The following ARHGAP24 variants were observed in gnomAD, a reference collection of about 807,000 sequenced individuals.
The protein encoded by ARHGAP24 is Rho GTPase activating protein 24, also known as rho GTPase-activating protein 24.
Under a neutral mutation model 76.4 loss-of-function variants are expected in ARHGAP24, and 50 were observed. The observed-to-expected ratio is 0.65, with a 90% CI of 0.52 to 0.83. The LOEUF is 0.83. ARHGAP24 is among the 40% of genes least tolerant of loss of function. The pLI, the probability that ARHGAP24 is intolerant of heterozygous loss-of-function variation, is 0.00. For missense variants in ARHGAP24, 930 were observed against 914.2 expected, an observed-to-expected ratio of 1.02 and a Z score of -0.22; for synonymous variants, 345 against 323.3, an observed-to-expected ratio of 1.07 and a Z score of -0.72.
In ARHGAP24 at chr4:85,997,322, TA is replaced by T. The variant is rs1183246230; in HGVS notation, c.2003+1666del. ...GGTAGGTAGATGATAGATAGATAGA[TA>T]GATGATAGATAGATAGATAGAGAGA... On this transcript the variant is annotated intron_variant, in intron 9 of 9. Transcript: ENST00000395184. 4.2e-4 allele frequency among the ~76,000 whole-genome samples: 60 copies of T among 143,184 alleles called. 1 individual carries two copies. The highest frequency in any genetic ancestry group is 7.3e-3 in the Middle Eastern group (2 of 274). 93.9% of individuals were successfully genotyped at this position (143,184 alleles called of 152,430 possible).
intron 5 of ARHGAP24, among the ~76,000 whole-genome samples, chr4:85,971,740 C>T (rs1048718265): frequency 6.6e-6 from 1 of 151,972 alleles, no homozygotes; most frequent in African/African-American, 2.4e-5. Context: ...ATTTTGTATT[C>T]GTTAACTATC....
intron 1 of ARHGAP24, among the ~76,000 whole-genome samples, chr4:85,565,344 A>G (rs1726797037): frequency 6.6e-6 from 1 of 152,122 alleles, no homozygotes; most frequent in Non-Finnish European, 1.5e-5. Flanking sequence ...ATTTCTTCTC[A>G]AAGTCCCACA....
intron 3 of ARHGAP24, among the ~76,000 whole-genome samples, chr4:85,774,643 T>G (rs1345252888): frequency 6.6e-6 from 1 of 152,218 alleles, no homozygotes; most frequent in Non-Finnish European, 1.5e-5. Context: ...GTCAAGATAT[T>G]ATCTGGCCTT....
intron 3 of ARHGAP24, among the ~76,000 whole-genome samples, chr4:85,775,414 A>G (rs1444721913): frequency 6.6e-6 from 1 of 152,174 alleles, no homozygotes; most frequent in Admixed American, 6.6e-5. Context: ...TCACAGTTCC[A>G]TTGGCTAGGG....
chr4:85,797,660 T>C (rs1489356901), intron 3 of ARHGAP24, among the ~76,000 whole-genome samples: 1 of 152,242 alleles, frequency 6.6e-6, no homozygotes, highest in Admixed American at 6.5e-5. Flanking sequence ...TATTATGGTA[T>C]GAAGAATTCA....
intron 2 of ARHGAP24, among the ~76,000 whole-genome samples, chr4:85,618,099 A>G (rs1394672056): frequency 6.6e-6 from 1 of 152,168 alleles, no homozygotes; most frequent in Non-Finnish European, 1.5e-5. Flanking sequence ...GGACTTATTC[A>G]TCCTACTTAA....
intron 1 of ARHGAP24, among the ~76,000 whole-genome samples, chr4:85,504,137 T>A (rs1376886843): frequency 6.6e-6 from 1 of 152,126 alleles, no homozygotes; most frequent in Non-Finnish European, 1.5e-5. Flanking sequence ...TTACTTCCAA[T>A]TATGTGGTCA....
intron 2 of ARHGAP24, among the ~76,000 whole-genome samples, chr4:85,610,210 G>A (rs1720332250): frequency 6.6e-6 from 1 of 151,966 alleles, no homozygotes; most frequent in Admixed American, 6.6e-5. Context: ...TTGGGAAGCG[G>A]AGGCAGGCGG....
At chr4:85,620,032 T>C (rs1300988423) in intron 2 of ARHGAP24, among the ~76,000 whole-genome samples, 1 of 152,008 alleles carries the variant, frequency 6.6e-6, no homozygotes, top group African/African-American at 2.4e-5. Flanking sequence ...TGATGTATGA[T>C]CTTTTTAATG....
chr4:85,564,892 T>G, intron 1 of ARHGAP24, among the ~76,000 whole-genome samples: 1 of 132,196 alleles, frequency 7.6e-6, no homozygotes, highest in Non-Finnish European at 1.6e-5. Context: ...CCGAGGGGGT[T>G]GGGGACCCCT....
chr4:85,759,863 A>G (rs1726669648), intron 3 of ARHGAP24, among the ~76,000 whole-genome samples: 1 of 152,212 alleles, frequency 6.6e-6, no homozygotes, highest in Non-Finnish European at 1.5e-5. Flanking sequence ...GTATGTTGCA[A>G]CCACTTAGGA....
chr4:85,865,959 G>C (rs1732175270), intron 3 of ARHGAP24, among the ~76,000 whole-genome samples: 1 of 152,044 alleles, frequency 6.6e-6, no homozygotes, highest in Non-Finnish European at 1.5e-5. Flanking sequence ...AAGAGCAGAA[G>C]AGTGGATTTA....
intron 2 of ARHGAP24, among the ~76,000 whole-genome samples, chr4:85,691,021 C>T (rs1723635239): frequency 6.6e-6 from 1 of 152,072 alleles, no homozygotes; most frequent in African/African-American, 2.4e-5. Flanking sequence ...TTCATCGCAT[C>T]CCAGAGATTT....
At chr4:85,545,989 C>A (rs1189548843) in intron 1 of ARHGAP24, among the ~76,000 whole-genome samples, 1 of 152,028 alleles carries the variant, frequency 6.6e-6, no homozygotes, top group Non-Finnish European at 1.5e-5. Context: ...GCCATACTAC[C>A]CAGGTTCAGA....
At chr4:85,947,574 T>TG (rs1314544506) in intron 5 of ARHGAP24, among the ~76,000 whole-genome samples, 4 of 152,192 alleles carry the variant, frequency 2.6e-5, no homozygotes, top group Non-Finnish European at 4.4e-5. Context: ...CCAAGTGTTA[T>TG]TTCTCTGTGA....
chr4:85,720,703 A>C (rs1402291215), intron 2 of ARHGAP24, among the ~76,000 whole-genome samples: 1 of 152,202 alleles, frequency 6.6e-6, no homozygotes, highest in Non-Finnish European at 1.5e-5. Context: ...AAATTATTGG[A>C]TAAATCTTTT....
chr4:85,969,847 T>C (rs1340390987), intron 5 of ARHGAP24, among the ~76,000 whole-genome samples: 1 of 152,174 alleles, frequency 6.6e-6, no homozygotes, highest in African/African-American at 2.4e-5. Context: ...TTAATGAGGA[T>C]TGCAGTTTTG....
intron 3 of ARHGAP24, among the ~76,000 whole-genome samples, chr4:85,778,117 A>G (rs377286872): frequency 6.6e-6 from 1 of 152,180 alleles, no homozygotes. Flanking sequence ...ACCATGCCTT[A>G]CTGAAGCAGT....
intron 1 of ARHGAP24, among the ~76,000 whole-genome samples, chr4:85,523,132 A>C (rs2110112172): frequency 6.6e-6 from 1 of 152,340 alleles, no homozygotes; most frequent in Middle Eastern, 3.4e-3. Flanking sequence ...AAACCCATGC[A>C]GAAATGGAGA....
Sources: allele counts gnomAD v4.1 joint callset (sites outside exome capture counted in the v4.1 genomes callset), GRCh38; gene constraint gnomAD v4.1.1; transcripts MANE v1.5; gene names NCBI Gene and HGNC (gene_info 2026-07-23, HGNC 2026-07-21).